TEAD1: variants seen among roughly 807,000 people sequenced by gnomAD.
The protein encoded by TEAD1 is transcriptional enhancer factor TEF-1.
A neutral mutation model predicts 54.9 loss-of-function variants in TEAD1; 9 were observed. The ratio of observed to expected loss-of-function variants is 0.16; its 90% CI spans 0.10 to 0.29. TEAD1 has a LOEUF of 0.29. TEAD1 is among the 10% of genes least tolerant of loss of function. TEAD1 has a pLI of 1.00. For synonymous variants in TEAD1, 200 were observed against 187.8 expected, an observed-to-expected ratio of 1.07 and a Z score of -0.53; for missense variants, 387 against 535.9, an observed-to-expected ratio of 0.72 and a Z score of 2.74.
At chr11:12,934,631 A>G (rs1370381296) in intron 12 of TEAD1, among the ~76,000 whole-genome samples, 2 of 152,122 alleles carry the variant, frequency 1.3e-5, no homozygotes, top group African/African-American at 4.8e-5. Flanking sequence ...TCATGAAATC[A>G]AAAGACTTGA....
intron 3 of TEAD1, among the ~76,000 whole-genome samples, chr11:12,821,183 G>T (rs546183831): frequency 2.0e-4 from 30 of 152,292 alleles, no homozygotes; most frequent in African/African-American, 7.2e-4. Context: ...TCAAGGGCCT[G>T]TGTATGGTGT....
rs919712314 is a variant in TEAD1 at position 12,941,166 on chromosome 11, C to G, written c.*3944C>G. On this transcript the variant is annotated 3_prime_UTR_variant, in exon 13 of 13. Coordinates refer to ENST00000527636, the MANE Select transcript of TEAD1 (RefSeq NM_021961.6). ...TCAGCTTAGAAGAGATGGGGAGATT[C>G]AGGATCCCCCTGTGCCAGAGCACAG... 2.6e-5 allele frequency: 4 copies of G among 152,238 alleles called. No individual in the cohort carries two copies. The highest frequency in any genetic ancestry group is 2.0e-4 in the Admixed American group (3 of 15,278). 9.4% of individuals were successfully genotyped at this position (152,238 alleles called of 1,614,324 possible).
chr11:12,809,806 G>A (rs576247133), intron 3 of TEAD1, among the ~76,000 whole-genome samples: 1 of 152,208 alleles, frequency 6.6e-6, no homozygotes, highest in East Asian at 1.9e-4. Flanking sequence ...TTTAGCTGTG[G>A]CCAGAGGATC....
chr11:12,754,576 T>G (rs1420638753), intron 2 of TEAD1, among the ~76,000 whole-genome samples: 1 of 152,206 alleles, frequency 6.6e-6, no homozygotes, highest in Non-Finnish European at 1.5e-5. Context: ...ATTGTGGTTT[T>G]GGTTCCTTAG....
At chr11:12,840,263 G>GAAAAAAAAAAAAAA (rs1564959349) in intron 3 of TEAD1, among the ~76,000 whole-genome samples, 3 of 43,544 alleles carry the variant, frequency 6.9e-5, no homozygotes, top group African/African-American at 9.5e-5. Flanking sequence ...AAAAAAAAAA[G>GAAAAAAAAAAAAAA]AAAAAAAAAA....
chr11:12,823,944 C>T (rs1444234096), intron 3 of TEAD1, among the ~76,000 whole-genome samples: 1 of 151,980 alleles, frequency 6.6e-6, no homozygotes. Context: ...CCTACCCTAC[C>T]CCAGGGAGAC....
intron 2 of TEAD1, among the ~76,000 whole-genome samples, chr11:12,740,926 T>C (rs1944638326): frequency 6.6e-6 from 1 of 152,194 alleles, no homozygotes; most frequent in Admixed American, 6.5e-5. Flanking sequence ...ATTCAAGGGC[T>C]TGAATGTCTG....
intron 9 of TEAD1, among the ~76,000 whole-genome samples, chr11:12,896,951 G>A (rs1017669135): frequency 5.3e-5 from 8 of 152,150 alleles, no homozygotes; most frequent in Admixed American, 4.6e-4. Flanking sequence ...TTCCATCGTT[G>A]ACCTTGAGAT....
At chr11:12,844,303 CTAAGAGTCCAGAGA>C (rs1192166778) in intron 3 of TEAD1, among the ~76,000 whole-genome samples, 2 of 152,136 alleles carry the variant, frequency 1.3e-5, no homozygotes, top group Non-Finnish European at 2.9e-5. Flanking sequence ...CTCTTAAGAA[CTAAGAGTCCAGAGA>C]TTAGAGTAAA....
At chr11:12,676,270 AGGT>A (rs1455553256) in intron 2 of TEAD1, among the ~76,000 whole-genome samples, 1 of 152,244 alleles carries the variant, frequency 6.6e-6, no homozygotes, top group Non-Finnish European at 1.5e-5. Flanking sequence ...TTGGAAGTTC[AGGT>A]GGTCTGATGG....
intron 2 of TEAD1, among the ~76,000 whole-genome samples, chr11:12,753,812 A>G (rs1387238271): frequency 1.3e-5 from 2 of 152,122 alleles, no homozygotes; most frequent in South Asian, 2.1e-4. Flanking sequence ...ATCCTCGACT[A>G]CTTTATGGCC....
intron 3 of TEAD1, among the ~76,000 whole-genome samples, chr11:12,772,459 C>T (rs745680916): frequency 1.6e-4 from 25 of 152,056 alleles, no homozygotes; most frequent in Non-Finnish European, 3.5e-4. Context: ...CGAGAGGGGG[C>T]CTCATTGCTT....
intron 3 of TEAD1, among the ~76,000 whole-genome samples, chr11:12,827,479 A>G (rs754187154): frequency 6.6e-6 from 1 of 152,184 alleles, no homozygotes; most frequent in Non-Finnish European, 1.5e-5. Context: ...GGATGAGAAC[A>G]CTTAGTATCC....
At chr11:12,803,793 A>C (rs1198819865) in intron 3 of TEAD1, among the ~76,000 whole-genome samples, 4 of 152,234 alleles carry the variant, frequency 2.6e-5, no homozygotes, top group Non-Finnish European at 5.9e-5. Context: ...GGCCCTATTA[A>C]GTATTTTAAA....
intron 5 of TEAD1, among the ~76,000 whole-genome samples, chr11:12,871,226 G>A (rs780835642): frequency 2.6e-5 from 4 of 152,208 alleles, no homozygotes; most frequent in Non-Finnish European, 4.4e-5. Flanking sequence ...CAGCTGCAGC[G>A]ACAGCAGTGT....
chr11:12,902,814 G>A (rs1174143342), intron 10 of TEAD1, among the ~76,000 whole-genome samples: 1 of 151,968 alleles, frequency 6.6e-6, no homozygotes, highest in East Asian at 1.9e-4. Context: ...TGCCCCACCT[G>A]TCCAGTCTAT....
At chr11:12,746,963 C>T (rs563328136) in intron 2 of TEAD1, among the ~76,000 whole-genome samples, 1 of 152,312 alleles carries the variant, frequency 6.6e-6, no homozygotes, top group African/African-American at 2.4e-5. Flanking sequence ...CAGGTCCTGC[C>T]TGAGGTTAAA....
chr11:12,689,708 G>A (rs1417297932), intron 2 of TEAD1, among the ~76,000 whole-genome samples: 1 of 151,842 alleles, frequency 6.6e-6, no homozygotes, highest in African/African-American at 2.4e-5. Context: ...CTTTGCTTTG[G>A]GAAAGTTTAG....
intron 10 of TEAD1, among the ~76,000 whole-genome samples, chr11:12,910,188 G>A (rs1241836475): frequency 3.9e-5 from 6 of 152,190 alleles, no homozygotes; most frequent in African/African-American, 2.4e-5. Context: ...CATGCATCCC[G>A]AAGGACAAAA....
Sources: gnomAD v4.1 joint callset for allele counts (sites outside exome capture counted in the v4.1 genomes callset) on GRCh38, gnomAD v4.1.1 for gene constraint, MANE v1.5 for transcripts, NCBI Gene and HGNC (gene_info 2026-07-23, HGNC 2026-07-21) for gene names.